The following AOAH variants were observed in gnomAD, a reference collection of about 807,000 sequenced individuals.
The protein encoded by AOAH is acyloxyacyl hydrolase (neutrophil).
Under a neutral mutation model 92.2 loss-of-function variants are expected in AOAH, and 64 were observed. The ratio of observed to expected loss-of-function variants is 0.69; its 90% confidence interval spans 0.57 to 0.86. The LOEUF is 0.86. AOAH is among the 40% of genes least tolerant of loss of function. The pLI is 0.00. For missense variants in AOAH, 656 were observed against 694.6 expected, an observed-to-expected ratio of 0.94 and a Z score of 0.62; for synonymous variants, 263 against 254.5, an observed-to-expected ratio of 1.03 and a Z score of -0.32.
At position 36,616,455 on chromosome 7, in the gene AOAH, G is replaced by T; in HGVS notation, c.771C>A (p.Ile257=). The T allele has an allele frequency of 6.2e-7, 1 of 1,614,070 alleles. No individual in the cohort carries two copies. The change falls in exon 11 of 21, where the codon ATC becomes ATA. Residue 257 remains isoleucine, a synonymous_variant. Coordinates refer to ENST00000617537, the MANE Select transcript of AOAH (RefSeq NM_001637.4). ...KFCEGSQPRG[I]ILLGDSAGAH... ...CCCCAGCTGAGTCTCCCAGCAAAAT[G>T]ATTCCCCTGGGCTGTGAACCTAGGC...
chr7:36,678,600 T>TGTGTGTGTGTGTGTGTGCGCGCGC (rs549317369), intron 2 of AOAH, among the ~76,000 whole-genome samples: 24 of 131,092 alleles, frequency 1.8e-4, no homozygotes, highest in Admixed American at 4.6e-4. Context: ...TGTGTGTGTG[T>TGTGTGTGTGTGTGTGTGCGCGCGC]GCGCGCGCGC....
In AOAH at chr7:36,610,368, G is replaced by A. The variant is rs574085670; in HGVS notation, c.846+6012C>T. On this transcript the variant is annotated intron_variant, in intron 11 of 20. Coordinates refer to ENST00000617537, the MANE Select transcript of AOAH (RefSeq NM_001637.4). ...TGCTCTTCTTGTAACAGCATGACGTGTGTATATATAATATACATATATGCA... is the reference window on the plus strand; with the variant it reads ...TGCTCTTCTTGTAACAGCATGACGTATGTATATATAATATACATATATGCA... Among the ~76,000 whole-genome samples the A allele has an allele frequency of 1.1e-4, 17 of 151,946 alleles. No homozygotes were observed. The South Asian group carries it at 3.3e-3, about 30-fold the overall frequency.
chr7:36,594,432 T>C lies in AOAH; in HGVS notation c.847-2A>G. On this transcript the variant is annotated splice_acceptor_variant, in intron 11 of 20. Coordinates refer to ENST00000617537, the MANE Select transcript of AOAH (RefSeq NM_001637.4). LOFTEE classifies it high-confidence loss of function. ...TGTTGGTAGATTGATGAAAGAGTTC[T>C]AAGGAAAACAATAAAGTAGCAATTA... 1 of 1,611,016 alleles carries C rather than the reference T, an allele frequency of 6.2e-7. No individual in the cohort carries two copies. The highest frequency in any genetic ancestry group is 8.5e-7 in the Non-Finnish European group (1 of 1,177,154).
chr7:36,543,947 C>CTTTTTTTT (rs1219471100), intron 15 of AOAH, among the ~76,000 whole-genome samples: 3 of 91,004 alleles, frequency 3.3e-5, no homozygotes, highest in Admixed American at 1.6e-4. Context: ...TTCTTTCTTT[C>CTTTTTTTT]TTTTTTTTTT....
intron 13 of AOAH, among the ~76,000 whole-genome samples, chr7:36,568,429 A>AGG (rs1787867661): frequency 2.0e-5 from 3 of 152,202 alleles, no homozygotes; most frequent in Admixed American, 2.0e-4. Flanking sequence ...GCCTCTCAAC[A>AGG]GCCAGGGCCT....
At chr7:36,697,411 T>C (rs1797789784) in intron 1 of AOAH, among the ~76,000 whole-genome samples, 2 of 152,230 alleles carry the variant, frequency 1.3e-5, no homozygotes, top group African/African-American at 4.8e-5. Flanking sequence ...TGGTATATTA[T>C]TCATGTTACA....
At chr7:36,517,156 G>GTCTTTT (rs1554360833) in intron 20 of AOAH, among the ~76,000 whole-genome samples, 2 of 95,432 alleles carry the variant, frequency 2.1e-5, no homozygotes, top group Non-Finnish European at 4.4e-5. Flanking sequence ...ATCCATGTTA[G>GTCTTTT]TCTTTCTTTC....
chr7:36,660,419 G>A (rs1213169822), intron 3 of AOAH, among the ~76,000 whole-genome samples: 2 of 152,178 alleles, frequency 1.3e-5, no homozygotes, highest in East Asian at 3.8e-4. Flanking sequence ...GGGTTCAAGT[G>A]ATTCTTCTGC....
At chr7:36,591,241 A>G (rs1405581710) in intron 12 of AOAH, among the ~76,000 whole-genome samples, 1 of 152,198 alleles carries the variant, frequency 6.6e-6, no homozygotes, top group Non-Finnish European at 1.5e-5. Context: ...AAACACATAG[A>G]AAGAAAAGTT....
chr7:36,672,203 A>G (rs1222604759), intron 3 of AOAH, among the ~76,000 whole-genome samples: 1 of 152,204 alleles, frequency 6.6e-6, no homozygotes, highest in African/African-American at 2.4e-5. Flanking sequence ...ATGACAGATT[A>G]CTGATGACCT....
chr7:36,705,950 A>C (rs1332870750), intron 1 of AOAH, among the ~76,000 whole-genome samples: 1 of 152,210 alleles, frequency 6.6e-6, no homozygotes. Context: ...AAAACTGGCT[A>C]GCCATATGTA....
In AOAH at chr7:36,619,257, A is replaced by T. The variant is rs182634485; in HGVS notation, c.703-912T>A. The stretch of plus-strand genomic sequence containing the variant: ...TCATGGTAAGACTCCCTCTGAGTTT[A>T]TGATGTTGTGGTTCTGTGAGTGGTG... On this transcript the variant is annotated intron_variant, in intron 9 of 20. Coordinates refer to ENST00000617537, the MANE Select transcript of AOAH (RefSeq NM_001637.4). Among the ~76,000 whole-genome samples the T allele has an allele frequency of 7.2e-5, 11 of 152,270 alleles. No homozygotes were observed. The East Asian group carries it at 1.4e-3, about 19-fold the overall frequency.
chr7:36,681,273 A>C (rs1288859661), intron 2 of AOAH, among the ~76,000 whole-genome samples: 1 of 152,226 alleles, frequency 6.6e-6, no homozygotes, highest in African/African-American at 2.4e-5. Context: ...CTTATAACAA[A>C]TTGTGAATGT....
intron 20 of AOAH, among the ~76,000 whole-genome samples, chr7:36,517,216 C>CT (rs1783809061): frequency 1.1e-4 from 4 of 36,762 alleles, no homozygotes; most frequent in African/African-American, 1.5e-4. Context: ...CTTTCTTTCT[C>CT]TTTCTTTCTG....
chr7:36,628,572 C>T (rs1386610633), intron 6 of AOAH, among the ~76,000 whole-genome samples: 2 of 152,034 alleles, frequency 1.3e-5, no homozygotes, highest in Non-Finnish European at 2.9e-5. Context: ...TGGGATAAGG[C>T]GGAGCAGGCA....
chr7:36,517,214 C>CTTTCTTTTTCTCTT (rs59205788), intron 20 of AOAH, among the ~76,000 whole-genome samples: 7,923 of 104,818 alleles, frequency 0.076, 513 homozygotes, highest in East Asian at 0.1. Flanking sequence ...TTCTTTCTTT[C>CTTTCTTTTTCTCTT]TCTTTCTTTC....
At chr7:36,684,002 A>G (rs1347111530) in intron 2 of AOAH, among the ~76,000 whole-genome samples, 1 of 152,104 alleles carries the variant, frequency 6.6e-6, no homozygotes, top group Non-Finnish European at 1.5e-5. Flanking sequence ...TCAAAAAGAA[A>G]AAAAAAAAGA....
intron 3 of AOAH, among the ~76,000 whole-genome samples, chr7:36,667,948 G>A (rs1195981849): frequency 1.3e-5 from 2 of 152,110 alleles, no homozygotes; most frequent in Non-Finnish European, 2.9e-5. Flanking sequence ...TATATTTAAA[G>A]TGAGTTTCTT....
At chr7:36,557,211 C>G (rs1195758245) in intron 13 of AOAH, among the ~76,000 whole-genome samples, 7 of 152,166 alleles carry the variant, frequency 4.6e-5, no homozygotes, top group Non-Finnish European at 7.4e-5. Context: ...ATTTGCTTAT[C>G]TGTAAAGGAT....
Sources: gnomAD v4.1 joint callset for allele counts (sites outside exome capture counted in the v4.1 genomes callset) on GRCh38, gnomAD v4.1.1 for gene constraint, MANE v1.5 for transcripts, NCBI Gene and HGNC (gene_info 2026-07-23, HGNC 2026-07-21) for gene names.